Variants in SRD5A2 observed in about 807,000 individuals in gnomAD.
SRD5A2 encodes steroid 5 alpha-reductase 2.
SRD5A2 carries 30 observed loss-of-function variants against 27.4 expected under a neutral mutation model. The observed-to-expected ratio is 1.10, with a 90% CI of 0.82 to 1.49. The LOEUF is 1.49. Among genes scored for constraint, SRD5A2 ranks in the 40% most tolerant of loss-of-function variants. The pLI is 0.00. For missense variants in SRD5A2, 348 were observed against 323.4 expected (o/e 1.08, Z -0.58); for synonymous variants, 141 against 133.6 (o/e 1.06, Z -0.38).
intron 1 of SRD5A2, among the ~76,000 whole-genome samples, chr2:31,547,820 C>T (rs907491350): frequency 4.6e-5 from 7 of 152,076 alleles, no homozygotes; most frequent in Non-Finnish European, 1.0e-4. Context: ...TGAGTCAATT[C>T]CCCTAATAAA....
chr2:31,618,721 A>C, the SRD5A2 span, among the ~76,000 whole-genome samples: 394 of 152,250 alleles, frequency 2.6e-3, 10 homozygotes, highest in Admixed American at 0.023. Flanking sequence ...AAAGGATACA[A>C]AGTTTTAGTT....
chr2:31,584,978 C>G (rs1033940737), upstream of SRD5A2, among the ~76,000 whole-genome samples: 2 of 152,184 alleles, frequency 1.3e-5, no homozygotes, highest in African/African-American at 4.8e-5. Context: ...GTGCAAAGAG[C>G]ATTTTCGTGC....
chr2:31,640,765 G>A, the SRD5A2 span, among the ~76,000 whole-genome samples: 1 of 152,050 alleles, frequency 6.6e-6, no homozygotes. Context: ...GAGTCCCCAG[G>A]GATGGGGATG....
chr2:31,537,227 T>A (rs931758366), intron 1 of SRD5A2, among the ~76,000 whole-genome samples: 1 of 152,200 alleles, frequency 6.6e-6, no homozygotes, highest in African/African-American at 2.4e-5. Flanking sequence ...TTTCCATGTA[T>A]ATATTTAACT....
At chr2:31,526,296 A>G (rs765454416) in intron 4 of SRD5A2, 34 bp from the exon 5 acceptor site, 2 of 1,379,748 alleles carry the variant, frequency 1.4e-6, no homozygotes, top group African/African-American at 1.4e-5. Context: ...TGTAAATATA[A>G]TGGAGCAGTG....
the SRD5A2 span, among the ~76,000 whole-genome samples, chr2:31,662,279 G>A: frequency 6.6e-6 from 1 of 152,002 alleles, no homozygotes; most frequent in African/African-American, 2.4e-5. Context: ...TGATCACTCT[G>A]AACTTGTGAA....
the SRD5A2 span, among the ~76,000 whole-genome samples, chr2:31,612,844 A>G: frequency 7.2e-5 from 11 of 152,306 alleles, no homozygotes; most frequent in African/African-American, 2.6e-4. Flanking sequence ...AACAGGATAG[A>G]AAGCCCAGAT....
chr2:31,655,817 T>C, the SRD5A2 span, among the ~76,000 whole-genome samples: 1 of 152,228 alleles, frequency 6.6e-6, no homozygotes, highest in Non-Finnish European at 1.5e-5. Flanking sequence ...CTTCCCCCAC[T>C]CCACTGGAAA....
chr2:31,566,705 G>C (rs1374864150), intron 1 of SRD5A2, among the ~76,000 whole-genome samples: 1 of 152,218 alleles, frequency 6.6e-6, no homozygotes, highest in Non-Finnish European at 1.5e-5. Flanking sequence ...CACACACGAA[G>C]TGTGACTTTT....
intron 1 of SRD5A2, among the ~76,000 whole-genome samples, chr2:31,546,019 C>T (rs1241806494): frequency 6.6e-6 from 1 of 152,014 alleles, no homozygotes; most frequent in East Asian, 1.9e-4. Context: ...AAGACTTGTA[C>T]AGTAAAAAAT....
chr2:31,595,163 GAACA>G, the SRD5A2 span, among the ~76,000 whole-genome samples: 7 of 151,750 alleles, frequency 4.6e-5, no homozygotes, highest in Non-Finnish European at 1.0e-4. Context: ...ACAGAAAATA[GAACA>G]AACAAAACCC....
the SRD5A2 span, among the ~76,000 whole-genome samples, chr2:31,622,237 T>A: frequency 1.3e-4 from 20 of 152,172 alleles, no homozygotes; most frequent in African/African-American, 4.6e-4. Context: ...ATTCTGCTTC[T>A]GTGTTAGTTT....
At chr2:31,602,949 A>G in the SRD5A2 span, among the ~76,000 whole-genome samples, 1 of 152,124 alleles carries the variant, frequency 6.6e-6, no homozygotes, top group Admixed American at 6.6e-5. Flanking sequence ...GTAAAACACC[A>G]AAGTATAAAA....
At chr2:31,592,868 T>C in the SRD5A2 span, among the ~76,000 whole-genome samples, 1 of 152,190 alleles carries the variant, frequency 6.6e-6, no homozygotes, top group African/African-American at 2.4e-5. Context: ...GAATTTAGAA[T>C]GTTAATTATC....
At chr2:31,571,566 C>G (rs1666849461) in intron 1 of SRD5A2, among the ~76,000 whole-genome samples, 1 of 152,092 alleles carries the variant, frequency 6.6e-6, no homozygotes. Flanking sequence ...AAAAAACTAT[C>G]AAGAGAGTAA....
chr2:31,537,156 T>C lies in SRD5A2; in HGVS notation c.282-3390A>G, dbSNP rs932241694. 9.2e-5 allele frequency among the ~76,000 whole-genome samples: 14 copies of C among 152,236 alleles called. 1 individual carries two copies. The highest frequency in any genetic ancestry group is 9.2e-4 in the Admixed American group (14 of 15,284). The stretch of plus-strand genomic sequence containing the variant: ...CAAGCCAATTGAAGACTTTTCACTA[T>C]ATGAAATTTTAGACTCATTGTCAAT... On this transcript the variant is annotated intron_variant, in intron 1 of 4. Coordinates refer to ENST00000622030, the MANE Select transcript of SRD5A2 (RefSeq NM_000348.4).
intron 1 of SRD5A2, among the ~76,000 whole-genome samples, chr2:31,567,946 T>TG: frequency 6.6e-6 from 1 of 152,042 alleles, no homozygotes. Context: ...GAGGGGTGTG[T>TG]GTGTGAGTGA....
chr2:31,632,968 A>T, the SRD5A2 span, among the ~76,000 whole-genome samples: 6 of 152,178 alleles, frequency 3.9e-5, no homozygotes, highest in African/African-American at 1.4e-4. Context: ...TCAGGAAGCC[A>T]TCAGGAGATT....
chr2:31,610,858 A>T, the SRD5A2 span, among the ~76,000 whole-genome samples: 53 of 152,306 alleles, frequency 3.5e-4, no homozygotes, highest in African/African-American at 1.3e-3. Context: ...CTGTAATCCC[A>T]GCACTTTGGG....
Sources: gnomAD v4.1 joint callset for allele counts (sites outside exome capture counted in the v4.1 genomes callset) on GRCh38, gnomAD v4.1.1 for gene constraint, MANE v1.5 for transcripts, NCBI Gene and HGNC (gene_info 2026-07-23, HGNC 2026-07-21) for gene names.